The following TRPM7 variants were observed in gnomAD, a reference collection of about 807,000 sequenced individuals.
TRPM7 encodes the protein transient receptor potential cation channel subfamily M member 7.
TRPM7 carries 134 observed loss-of-function variants against 229.7 expected under a neutral mutation model. The observed-to-expected ratio is 0.58, with a 90% CI of 0.51 to 0.67. The LOEUF is 0.67. Ranked by LOEUF, TRPM7 falls within the 30% of genes least tolerant of loss-of-function variation. TRPM7 has a pLI of 0.00. For synonymous variants in TRPM7, 699 were observed against 715.2 expected (o/e 0.98, Z 0.36); for missense variants, 1,901 against 2,210.0 (o/e 0.86, Z 2.80).
At chr15:50,588,255 T>G in intron 27 of TRPM7, 1 of 984,714 alleles carries the variant, frequency 1.0e-6, no homozygotes, top group South Asian at 4.7e-5. Context: ...CTGCTCCTAT[T>G]TGAGGTAAGA....
intron 1 of TRPM7, among the ~76,000 whole-genome samples, chr15:50,678,524 A>T (rs1335019965): frequency 3.4e-5 from 3 of 88,112 alleles, no homozygotes; most frequent in African/African-American, 1.1e-4. Context: ...AAAAATATAT[A>T]TATATATATA....
intron 38 of TRPM7, among the ~76,000 whole-genome samples, chr15:50,562,198 A>G (rs952129917): frequency 6.6e-6 from 1 of 152,126 alleles, no homozygotes; most frequent in African/African-American, 2.4e-5. Flanking sequence ...GCCCGGCTGA[A>G]TTAGGATCAT....
chr15:50,615,902 A>AT (rs1567015758), intron 13 of TRPM7, among the ~76,000 whole-genome samples: 1 of 152,036 alleles, frequency 6.6e-6, no homozygotes, highest in Non-Finnish European at 1.5e-5. Flanking sequence ...GTCTCAAAAA[A>AT]ATATATATAT....
At chr15:50,644,054 G>T (rs938106335) in intron 4 of TRPM7, among the ~76,000 whole-genome samples, 1 of 152,150 alleles carries the variant, frequency 6.6e-6, no homozygotes, top group African/African-American at 2.4e-5. Flanking sequence ...AATGAATTGT[G>T]ACTATGGAGT....
At chr15:50,581,499 GA>G (rs145643970) in intron 29 of TRPM7, among the ~76,000 whole-genome samples, 48,614 of 145,716 alleles carry the variant, frequency 0.33, 9,684 homozygotes, top group Admixed American at 0.48. Flanking sequence ...ACTCCATCTC[GA>G]AAAAAAAAAT....
intron 27 of TRPM7, among the ~76,000 whole-genome samples, chr15:50,589,036 T>C (rs2059413129): frequency 6.6e-6 from 1 of 152,016 alleles, no homozygotes; most frequent in Non-Finnish European, 1.5e-5. Flanking sequence ...AAAAAAGAAA[T>C]GTAGGCCGGG....
intron 3 of TRPM7, among the ~76,000 whole-genome samples, chr15:50,655,993 C>T: frequency 8.5e-6 from 1 of 117,798 alleles, no homozygotes; most frequent in Non-Finnish European, 1.8e-5. Flanking sequence ...GACTCCATCT[C>T]AAAAAAAGAA....
intron 7 of TRPM7, among the ~76,000 whole-genome samples, chr15:50,635,556 G>A (rs28831988): frequency 2.0e-5 from 3 of 150,404 alleles, no homozygotes; most frequent in Admixed American, 1.3e-4. Context: ...CCAGCTACTC[G>A]GGAGGCTGAG....
intron 31 of TRPM7, 66 bp from the exon 32 acceptor site, chr15:50,575,985 G>C (rs1243114980): frequency 6.8e-7 from 1 of 1,474,696 alleles, no homozygotes; most frequent in Non-Finnish European, 9.3e-7. Flanking sequence ...TTTTAACCCG[G>C]ATAATCTCAT....
chr15:50,661,634 G>A (rs1467136490), intron 2 of TRPM7, among the ~76,000 whole-genome samples: 1 of 152,074 alleles, frequency 6.6e-6, no homozygotes, highest in African/African-American at 2.4e-5. Flanking sequence ...CAAGAATAGT[G>A]ACATATTCTA....
intron 37 of TRPM7, 35 bp downstream of exon 37, chr15:50,570,069 A>C: frequency 6.3e-7 from 1 of 1,596,374 alleles, no homozygotes; most frequent in Non-Finnish European, 8.5e-7. Context: ...TAAAATGTGA[A>C]ATTATGCCTT....
chr15:50,610,981 A>G, intron 17 of TRPM7, 112 bp downstream of exon 17: 1 of 791,162 alleles, frequency 1.3e-6, no homozygotes, highest in Middle Eastern at 3.4e-4. Context: ...CTCCCTCTTT[A>G]CCCCCCACCA....
chr15:50,573,821 G>A (rs189213098), intron 36 of TRPM7, among the ~76,000 whole-genome samples: 3 of 152,174 alleles, frequency 2.0e-5, no homozygotes, highest in Non-Finnish European at 2.9e-5. Flanking sequence ...AGCACTTTGG[G>A]AGGCTGAGGC....
Position 50,599,278 on chromosome 15 carries a change from T to C in TRPM7, c.3007A>G (p.Ile1003Val), listed in dbSNP as rs2059714369. 1.2e-6 allele frequency: 2 copies of C among 1,605,944 alleles called. No homozygotes were observed. The highest frequency in any genetic ancestry group is 1.7e-6 in the Non-Finnish European group (2 of 1,176,788). ...IGKMVANMFY[I>V]VVIMALVLLS... ...AATACAAGAGCCATAATCACTACAA[T>C]GTAGAACATATTGGCCACCTGTTAA... The change falls in exon 22 of 39, where the codon ATT becomes GTT. Residue 1003 changes from isoleucine (I) to valine (V), a missense_variant. Physicochemically the swap from Ile to Val is conservative, Grantham distance 29 (BLOSUM62 3). Around this residue, in one of 8 missense-constraint regions of TRPM7, gnomAD observed 89 missense variants for 178.2 expected, o/e 0.50. Coordinates refer to ENST00000646667, the MANE Select transcript of TRPM7 (RefSeq NM_017672.6).
chr15:50,610,098 GA>G (rs972569566), intron 17 of TRPM7, 137 bp from the exon 18 acceptor site: 4 of 609,540 alleles, frequency 6.6e-6, no homozygotes, highest in African/African-American at 1.9e-5. Flanking sequence ...GCAGTAGAGG[GA>G]AAAAAAACAA....
At chr15:50,659,697 T>A (rs2061678898) in intron 2 of TRPM7, among the ~76,000 whole-genome samples, 1 of 151,868 alleles carries the variant, frequency 6.6e-6, no homozygotes, top group Non-Finnish European at 1.5e-5. Flanking sequence ...AGATGGAGTC[T>A]CACTCTGTCA....
At chr15:50,595,457 G>C (rs938536930) in intron 23 of TRPM7, among the ~76,000 whole-genome samples, 9 of 151,232 alleles carry the variant, frequency 6.0e-5, no homozygotes, top group African/African-American at 1.9e-4. Context: ...GAAAAATTAT[G>C]GTCTATATCA....
intron 1 of TRPM7, among the ~76,000 whole-genome samples, chr15:50,673,291 G>A (rs958240172): frequency 2.0e-5 from 3 of 151,964 alleles, no homozygotes; most frequent in Admixed American, 1.3e-4. Context: ...ATTTCCATAG[G>A]TTATTGGAAA....
At chr15:50,642,723 C>T (rs1392486794) in intron 5 of TRPM7, among the ~76,000 whole-genome samples, 4 of 152,070 alleles carry the variant, frequency 2.6e-5, no homozygotes, top group Non-Finnish European at 4.4e-5. Context: ...TACCAAGTCT[C>T]GGGCAGTTCT....
Sources: gnomAD v4.1 joint callset for allele counts (sites outside exome capture counted in the v4.1 genomes callset) on GRCh38, gnomAD v4.1.1 for gene constraint, gnomAD v4.1.1 regional missense constraint, MANE v1.5 for transcripts, NCBI Gene and HGNC (gene_info 2026-07-23, HGNC 2026-07-21) for gene names.